The following GRIN2B variants were observed in gnomAD, a reference collection of about 807,000 sequenced individuals.
GRIN2B encodes glutamate receptor ionotropic, NMDA 2B.
GRIN2B carries 5 observed loss-of-function variants against 114.5 expected under a neutral mutation model. The observed-to-expected ratio is 0.04, with a 90% CI of 0.02 to 0.09. GRIN2B has a LOEUF of 0.09. GRIN2B is among the 10% of genes least tolerant of loss of function. GRIN2B has a pLI of 1.00. For synonymous variants in GRIN2B, 787 were observed against 745.1 expected (o/e 1.06, Z -0.92); for missense variants, 1,108 against 1,943.5 (o/e 0.57, Z 8.08).
chr12:13,829,316 A>G (rs1865107054), intron 3 of GRIN2B, among the ~76,000 whole-genome samples: 1 of 152,228 alleles, frequency 6.6e-6, no homozygotes, highest in South Asian at 2.1e-4. Context: ...GATCTAAGAT[A>G]TGTCTATTTA....
intron 4 of GRIN2B, among the ~76,000 whole-genome samples, chr12:13,694,697 ATATAT>A (rs1187532625): frequency 7.7e-5 from 10 of 130,494 alleles, no homozygotes; most frequent in Middle Eastern, 3.6e-3. Flanking sequence ...ATATATATAT[ATATAT>A]AAATTAATTA....
At chr12:13,976,567 G>A (rs1863023952) in intron 2 of GRIN2B, among the ~76,000 whole-genome samples, 2 of 152,124 alleles carry the variant, frequency 1.3e-5, no homozygotes, top group South Asian at 2.1e-4. Flanking sequence ...CTTTAGAATG[G>A]TGAGTTCAAC....
intron 3 of GRIN2B, among the ~76,000 whole-genome samples, chr12:13,845,631 A>G (rs1181375781): frequency 1.3e-5 from 2 of 152,150 alleles, no homozygotes; most frequent in Non-Finnish European, 2.9e-5. Flanking sequence ...AGTGTCCTCT[A>G]TTGTAAAATA....
At chr12:13,700,524 G>A (rs951790134) in intron 4 of GRIN2B, among the ~76,000 whole-genome samples, 4 of 152,148 alleles carry the variant, frequency 2.6e-5, no homozygotes, top group African/African-American at 7.2e-5. Context: ...TACAGCAGAA[G>A]TGATACTTGC....
intron 2 of GRIN2B, among the ~76,000 whole-genome samples, chr12:13,958,341 C>T (rs755208387): frequency 4.6e-5 from 7 of 152,302 alleles, no homozygotes; most frequent in Non-Finnish European, 7.3e-5. Context: ...TGAGTCCAAA[C>T]GCCAGCACAG....
At chr12:13,934,223 C>G (rs1867088752) in intron 2 of GRIN2B, among the ~76,000 whole-genome samples, 1 of 152,192 alleles carries the variant, frequency 6.6e-6, no homozygotes, top group Non-Finnish European at 1.5e-5. Flanking sequence ...TGCTCTTCCT[C>G]TGTGTCCAAA....
At chr12:13,608,160 A>ACGAGTGTG (rs1949312427) in intron 10 of GRIN2B, among the ~76,000 whole-genome samples, 1 of 152,198 alleles carries the variant, frequency 6.6e-6, no homozygotes, top group Non-Finnish European at 1.5e-5. Flanking sequence ...CCCCAGAAAC[A>ACGAGTGTG]CGAGTGTGCA....
At chr12:13,722,242 G>T (rs976140529) in intron 4 of GRIN2B, among the ~76,000 whole-genome samples, 1 of 152,092 alleles carries the variant, frequency 6.6e-6, no homozygotes. Flanking sequence ...AAAAGCAGAC[G>T]TGTGGTCAAG....
intron 4 of GRIN2B, among the ~76,000 whole-genome samples, chr12:13,680,947 C>A (rs912180905): frequency 1.3e-5 from 2 of 152,230 alleles, no homozygotes; most frequent in Admixed American, 6.5e-5. Context: ...AATACATTTG[C>A]TTTATATGGC....
At chr12:13,817,691 AC>A (rs1452430713) in intron 3 of GRIN2B, among the ~76,000 whole-genome samples, 1 of 152,184 alleles carries the variant, frequency 6.6e-6, no homozygotes, top group African/African-American at 2.4e-5. Flanking sequence ...CCCCAGAATA[AC>A]CCAATGATGA....
intron 4 of GRIN2B, among the ~76,000 whole-genome samples, chr12:13,688,284 C>T (rs879376247): frequency 2.0e-5 from 3 of 152,162 alleles, no homozygotes; most frequent in Non-Finnish European, 4.4e-5. Flanking sequence ...AAGCCCTAGG[C>T]TCTTGATTAT....
At chr12:13,878,780 A>G (rs1274234651) in intron 2 of GRIN2B, among the ~76,000 whole-genome samples, 1 of 152,236 alleles carries the variant, frequency 6.6e-6, no homozygotes, top group Non-Finnish European at 1.5e-5. Context: ...AAGAACAGAT[A>G]AACAGCTGAA....
At chr12:13,586,307 T>C (rs1948924660) in intron 10 of GRIN2B, among the ~76,000 whole-genome samples, 1 of 152,258 alleles carries the variant, frequency 6.6e-6, no homozygotes. Flanking sequence ...GTCATTACTT[T>C]TAATAATTTC....
At chr12:13,785,465 G>A (rs1258211064) in intron 3 of GRIN2B, among the ~76,000 whole-genome samples, 1 of 152,044 alleles carries the variant, frequency 6.6e-6, no homozygotes, top group Non-Finnish European at 1.5e-5. Flanking sequence ...ACTCCCACAT[G>A]CCTTATGTCC....
intron 4 of GRIN2B, among the ~76,000 whole-genome samples, chr12:13,738,908 G>A (rs911181833): frequency 2.6e-5 from 4 of 152,148 alleles, no homozygotes; most frequent in African/African-American, 9.7e-5. Flanking sequence ...GTTTCTTAAA[G>A]CTTCTCAGGA....
intron 3 of GRIN2B, among the ~76,000 whole-genome samples, chr12:13,765,306 G>A (rs1863761010): frequency 6.6e-6 from 1 of 152,134 alleles, no homozygotes; most frequent in African/African-American, 2.4e-5. Context: ...TAGAACATGA[G>A]GTGAAACTAG....
intron 3 of GRIN2B, among the ~76,000 whole-genome samples, chr12:13,814,723 A>G (rs1864787033): frequency 1.3e-5 from 2 of 152,232 alleles, no homozygotes; most frequent in Non-Finnish European, 2.9e-5. Flanking sequence ...CAATGGTCTC[A>G]TGTGACTATG....
At chr12:13,838,616 A>G (rs1007559836) in intron 3 of GRIN2B, among the ~76,000 whole-genome samples, 31 of 151,844 alleles carry the variant, frequency 2.0e-4, no homozygotes, top group African/African-American at 7.3e-4. Context: ...CATCTTATCT[A>G]TTCCCTTTCC....
In GRIN2B at chr12:13,540,380, G is replaced by A. The variant is rs1948261438; in HGVS notation, c.*22403C>T. 1 of 151,602 alleles carries A rather than the reference G, an allele frequency of 6.6e-6. No individual in the cohort carries two copies. The highest frequency in any genetic ancestry group is 2.1e-4 in the South Asian group (1 of 4,798). 9.4% of individuals were successfully genotyped at this position (151,602 alleles called of 1,614,324 possible). ...AAAGTTTTTCTTGTTTTTTTATGTT[G>A]TCTTTTTTTTAATTCGTTTTAATTT... On this transcript the variant is annotated 3_prime_UTR_variant, in exon 14 of 14. Coordinates refer to ENST00000609686, the MANE Select transcript of GRIN2B (RefSeq NM_000834.5).
Sources: allele counts gnomAD v4.1 joint callset (sites outside exome capture counted in the v4.1 genomes callset), GRCh38; gene constraint gnomAD v4.1.1; transcripts MANE v1.5; gene names NCBI Gene and HGNC (gene_info 2026-07-23, HGNC 2026-07-21).